Variants in ELMO1 observed in about 807,000 individuals in gnomAD.
The protein encoded by ELMO1 is engulfment and cell motility protein 1.
ELMO1 carries 26 observed loss-of-function variants against 98.9 expected under a neutral mutation model. That is an observed-to-expected ratio of 0.26 (90% CI 0.19 to 0.36). ELMO1 has a LOEUF of 0.36. ELMO1 is among the 10% of genes least tolerant of loss of function. ELMO1 has a pLI of 1.00. For missense variants in ELMO1, 627 were observed against 935.2 expected, an observed-to-expected ratio of 0.67 and a Z score of 4.30; for synonymous variants, 346 against 346.0, an observed-to-expected ratio of 1.00 and a Z score of 0.00.
intron 6 of ELMO1, among the ~76,000 whole-genome samples, chr7:37,248,836 A>G (rs1229162593): frequency 6.6e-6 from 1 of 152,266 alleles, no homozygotes; most frequent in Non-Finnish European, 1.5e-5. Context: ...CCAAGTTCTC[A>G]GAGGCAATAG....
chr7:37,396,377 C>T (rs763810155), intron 1 of ELMO1, among the ~76,000 whole-genome samples: 15 of 151,298 alleles, frequency 9.9e-5, no homozygotes, highest in South Asian at 2.1e-4. Context: ...AGCGAGACTC[C>T]GTCTCTACAA....
At chr7:37,017,349 T>C (rs1793999713) in intron 15 of ELMO1, among the ~76,000 whole-genome samples, 1 of 152,200 alleles carries the variant, frequency 6.6e-6, no homozygotes, top group Admixed American at 6.5e-5. Flanking sequence ...ATGAGTGTAT[T>C]TGATTTATTT....
intron 16 of ELMO1, among the ~76,000 whole-genome samples, chr7:36,949,633 C>T (rs1001942850): frequency 3.3e-5 from 5 of 152,100 alleles, no homozygotes; most frequent in Non-Finnish European, 5.9e-5. Context: ...CATCTCTGGC[C>T]TCTATTCACT....
intron 1 of ELMO1, among the ~76,000 whole-genome samples, chr7:37,398,772 T>C (rs1803403156): frequency 6.6e-6 from 1 of 152,194 alleles, no homozygotes; most frequent in Non-Finnish European, 1.5e-5. Flanking sequence ...ACTTTGACCC[T>C]TCTGCTAGAC....
At chr7:37,029,833 G>T (rs1252484467) in intron 15 of ELMO1, among the ~76,000 whole-genome samples, 1 of 152,142 alleles carries the variant, frequency 6.6e-6, no homozygotes, top group Non-Finnish European at 1.5e-5. Context: ...ATGTATGTTT[G>T]TGAAGAATTA....
intron 16 of ELMO1, among the ~76,000 whole-genome samples, chr7:36,931,536 G>C (rs147712397): frequency 0.016 from 2,456 of 152,322 alleles, 65 homozygotes; most frequent in African/African-American, 0.055. Flanking sequence ...GGGAGGCGGA[G>C]GTTGCAGTGA....
At chr7:37,210,663 A>C (rs1318661233) in intron 13 of ELMO1, among the ~76,000 whole-genome samples, 2 of 152,028 alleles carry the variant, frequency 1.3e-5, no homozygotes, top group Non-Finnish European at 2.9e-5. Flanking sequence ...GGAACTATAA[A>C]ATAATGCCTG....
At chr7:37,024,349 T>C (rs1584530422) in intron 15 of ELMO1, among the ~76,000 whole-genome samples, 1 of 152,326 alleles carries the variant, frequency 6.6e-6, no homozygotes, top group Admixed American at 6.5e-5. Context: ...TGAACTTCAA[T>C]GGGAAGCCAT....
intron 4 of ELMO1, among the ~76,000 whole-genome samples, chr7:37,278,293 G>C (rs1275673461): frequency 1.3e-5 from 2 of 151,846 alleles, no homozygotes; most frequent in Admixed American, 6.6e-5. Flanking sequence ...TTAAGTAAGA[G>C]AGATTATCCT....
intron 15 of ELMO1, among the ~76,000 whole-genome samples, chr7:37,055,450 T>A (rs939760549): frequency 1.3e-5 from 2 of 152,182 alleles, no homozygotes; most frequent in African/African-American, 4.8e-5. Flanking sequence ...CTTTCAAGTA[T>A]GTGTGTAAAT....
chr7:36,870,578 TC>T lies in ELMO1; in HGVS notation c.1823-104del, dbSNP rs1803423718. 1.9e-6 allele frequency: 2 copies of T among 1,055,210 alleles called. No individual in the cohort carries two copies. The highest frequency in any genetic ancestry group is 2.7e-6 in the Non-Finnish European group (2 of 735,248). The allele number at this position is 1,055,210 out of a possible 1,614,324, so 65.4% of individuals were successfully genotyped here. A position where few individuals can be genotyped will look rare whatever the true frequency, so the allele number is the denominator to read the frequency against. On this transcript the variant is annotated intron_variant, in intron 19 of 21. Transcript: ENST00000310758. This position sits in a 1 kb window ranked among gnomAD's most constrained non-coding sequence, Gnocchi z 4.4. ...CTGGGTCCGCTACTGTGGTTACCAT[TC>T]CCAGAAACTACTGCAAAAAGAAGAG...
At position 37,253,110 on chromosome 7, in the gene ELMO1, C is replaced by T. The variant is rs546447308; in HGVS notation, c.413+6071G>A. 7.2e-5 allele frequency among the ~76,000 whole-genome samples: 11 copies of T among 152,258 alleles called. No homozygotes were observed. The East Asian group carries it at 1.2e-3, about 16-fold the overall frequency. On this transcript the variant is annotated intron_variant, in intron 6 of 21. Coordinates refer to ENST00000310758, the MANE Select transcript of ELMO1 (RefSeq NM_014800.11). ...TGAAGAGGATGTGGAGAAATGGGAACGCTTTTACACTGTTGGTGAGAGTGT... is the reference window on the plus strand; with the variant it reads ...TGAAGAGGATGTGGAGAAATGGGAATGCTTTTACACTGTTGGTGAGAGTGT...
At position 37,437,815 on chromosome 7, in the gene ELMO1, C is replaced by A. The variant is rs1199429715; in HGVS notation, c.-74+10860G>T. 3.6e-5 allele frequency among the ~76,000 whole-genome samples: 2 copies of A among 55,476 alleles called. 1 individual carries two copies. The allele number at this position is 55,476 out of a possible 152,430, so 36.4% of individuals were successfully genotyped here. On this transcript the variant is annotated intron_variant, in intron 1 of 21. Coordinates refer to ENST00000310758, the MANE Select transcript of ELMO1 (RefSeq NM_014800.11). Reference sequence around the variant, plus strand: ...AAACCCCGTCTCTACTAAAAAAATACAAAAAAAATTAGCCGGGCGCGGTGG... The same window carrying A: ...AAACCCCGTCTCTACTAAAAAAATAAAAAAAAAATTAGCCGGGCGCGGTGG...
At chr7:37,345,031 C>T (rs1800928737) in intron 1 of ELMO1, among the ~76,000 whole-genome samples, 1 of 152,178 alleles carries the variant, frequency 6.6e-6, no homozygotes, top group African/African-American at 2.4e-5. Flanking sequence ...GCCTCAACAA[C>T]ACCAGCAGTT....
chr7:37,377,668 AG>A (rs1042285207), intron 1 of ELMO1, among the ~76,000 whole-genome samples: 4 of 152,308 alleles, frequency 2.6e-5, no homozygotes, highest in African/African-American at 9.6e-5. Context: ...AAGCAAATTT[AG>A]GGTCTGAAGG....
rs186648052 is a variant in ELMO1 at position 37,158,394 on chromosome 7, T to C, written c.1087-25160A>G. ...CAATCTACAGAATGGGAGAAAAATT[T>C]TGCAATCTATCCATCTGACAAAGGA... On this transcript the variant is annotated intron_variant, in intron 13 of 21. Transcript: ENST00000310758. 6.6e-3 allele frequency among the ~76,000 whole-genome samples: 1,010 copies of C among 152,290 alleles called. 6 individuals carry two copies. The highest frequency in any genetic ancestry group is 0.011 in the Non-Finnish European group (716 of 68,028).
At chr7:37,061,300 T>TA (rs1433767800) in intron 15 of ELMO1, among the ~76,000 whole-genome samples, 1 of 152,180 alleles carries the variant, frequency 6.6e-6, no homozygotes, top group Non-Finnish European at 1.5e-5. Flanking sequence ...GGTTTCTACA[T>TA]AGAGTTAGCC....
chr7:37,007,928 C>T (rs1793259960), intron 16 of ELMO1, among the ~76,000 whole-genome samples: 1 of 152,160 alleles, frequency 6.6e-6, no homozygotes, highest in African/African-American at 2.4e-5. Flanking sequence ...TTTAATGGGC[C>T]TGGGTTCTCC....
At chr7:37,076,979 T>C (rs1250323853) in intron 15 of ELMO1, among the ~76,000 whole-genome samples, 1 of 152,246 alleles carries the variant, frequency 6.6e-6, no homozygotes, top group Non-Finnish European at 1.5e-5. Context: ...GATTATTTAC[T>C]GTCCCAATTA....
Sources: gnomAD v4.1 joint callset for allele counts (sites outside exome capture counted in the v4.1 genomes callset) on GRCh38, gnomAD v4.1.1 for gene constraint, Gnocchi (gnomAD v3.1) non-coding constraint, MANE v1.5 for transcripts, NCBI Gene and HGNC (gene_info 2026-07-23, HGNC 2026-07-21) for gene names.